The following PTPRG variants were observed in gnomAD, a reference collection of about 807,000 sequenced individuals.
The protein encoded by PTPRG is receptor-type tyrosine-protein phosphatase gamma.
Under a neutral mutation model 165.3 loss-of-function variants are expected in PTPRG, and 102 were observed. That is an observed-to-expected ratio of 0.62 (90% CI 0.53 to 0.73). PTPRG has a LOEUF of 0.73. PTPRG is among the 30% of genes least tolerant of loss of function. The probability of loss-of-function intolerance (pLI) is 0.00; values close to 1 mark genes in which losing one functional copy is unlikely to be tolerated. For synonymous variants in PTPRG, 675 were observed against 669.5 expected, an observed-to-expected ratio of 1.01 and a Z score of -0.13; for missense variants, 1,866 against 1,861.4, an observed-to-expected ratio of 1.00 and a Z score of -0.05.
chr3:61,631,285 C>A (rs1701768843), intron 1 of PTPRG, among the ~76,000 whole-genome samples: 1 of 152,130 alleles, frequency 6.6e-6, no homozygotes, highest in Admixed American at 6.5e-5. Context: ...GTACAGTAGT[C>A]CACCCTTATC....
intron 14 of PTPRG, among the ~76,000 whole-genome samples, chr3:62,232,776 CA>C (rs1400939739): frequency 6.6e-6 from 1 of 152,242 alleles, no homozygotes; most frequent in Non-Finnish European, 1.5e-5. Flanking sequence ...CAATCAGTTT[CA>C]TCTAGGTCTA....
At chr3:62,080,750 A>T (rs1047887645) in intron 5 of PTPRG, among the ~76,000 whole-genome samples, 2 of 152,220 alleles carry the variant, frequency 1.3e-5, no homozygotes, top group African/African-American at 4.8e-5. Context: ...ATATAAGACC[A>T]ATTAGAATTT....
intron 12 of PTPRG, among the ~76,000 whole-genome samples, chr3:62,206,468 G>A (rs571249180): frequency 7.9e-5 from 12 of 152,236 alleles, no homozygotes; most frequent in Admixed American, 5.2e-4. Flanking sequence ...GCTTAATGCC[G>A]AAGGTGGTGT....
At chr3:61,933,598 A>G (rs1386749318) in intron 2 of PTPRG, among the ~76,000 whole-genome samples, 1 of 152,222 alleles carries the variant, frequency 6.6e-6, no homozygotes, top group African/African-American at 2.4e-5. Context: ...TCACTCCTCC[A>G]TGCTTTACTT....
chr3:62,141,752 T>TACAAAAATTAG (rs1703938338), intron 6 of PTPRG, among the ~76,000 whole-genome samples: 1 of 144,766 alleles, frequency 6.9e-6, no homozygotes, highest in Non-Finnish European at 1.5e-5. Flanking sequence ...AAAAAAAAAA[T>TACAAAAATTAG]ACAAAAATTA....
At chr3:62,244,657 G>A (rs1035264002) in intron 15 of PTPRG, among the ~76,000 whole-genome samples, 1 of 152,110 alleles carries the variant, frequency 6.6e-6, no homozygotes, top group African/African-American at 2.4e-5. Flanking sequence ...CTCCACACCT[G>A]AAGCTCCCCC....
At chr3:61,958,484 G>T (rs2040082811) in intron 2 of PTPRG, among the ~76,000 whole-genome samples, 1 of 152,144 alleles carries the variant, frequency 6.6e-6, no homozygotes, top group Admixed American at 6.5e-5. Context: ...AATGCTGCCT[G>T]TAATTTGAAG....
At chr3:61,933,750 A>G (rs934449728) in intron 2 of PTPRG, among the ~76,000 whole-genome samples, 2 of 152,198 alleles carry the variant, frequency 1.3e-5, no homozygotes, top group Non-Finnish European at 1.5e-5. Context: ...TAGATACTGT[A>G]TCTCACCAGT....
At chr3:61,804,164 C>T (rs940684744) in intron 2 of PTPRG, among the ~76,000 whole-genome samples, 2 of 152,168 alleles carry the variant, frequency 1.3e-5, no homozygotes, top group African/African-American at 4.8e-5. Flanking sequence ...GCATATTTCA[C>T]ACAAAAGCAG....
At position 62,140,488 on chromosome 3, in the gene PTPRG, A is replaced by G. The variant is rs963192842; in HGVS notation, c.682+7820A>G. On this transcript the variant is annotated intron_variant, in intron 6 of 29. Coordinates refer to ENST00000474889, the MANE Select transcript of PTPRG (RefSeq NM_002841.4). ...AAAACAGTGGGTAATGCATGATTCCATTTATGTAAAGTGTGAGAACAGGTC... is the reference window on the plus strand; with the variant it reads ...AAAACAGTGGGTAATGCATGATTCCGTTTATGTAAAGTGTGAGAACAGGTC... 6.6e-5 allele frequency among the ~76,000 whole-genome samples: 10 copies of G among 152,184 alleles called. 1 individual carries two copies. Among genetic ancestry groups the G allele is most frequent in the South Asian group, 2.1e-4 (1 of 4,824 alleles).
intron 1 of PTPRG, among the ~76,000 whole-genome samples, chr3:61,577,523 T>C (rs1408651464): frequency 6.6e-6 from 1 of 152,206 alleles, no homozygotes; most frequent in Non-Finnish European, 1.5e-5. Context: ...ATGTGAAATA[T>C]CTCATTAAAA....
chr3:61,866,326 G>A (rs1301665517), intron 2 of PTPRG, among the ~76,000 whole-genome samples: 4 of 152,142 alleles, frequency 2.6e-5, no homozygotes, highest in Non-Finnish European at 5.9e-5. Flanking sequence ...CTGTTTGCAC[G>A]TGACCATGAT....
chr3:61,618,072 T>C (rs1701346667), intron 1 of PTPRG, among the ~76,000 whole-genome samples: 1 of 152,178 alleles, frequency 6.6e-6, no homozygotes, highest in Admixed American at 6.5e-5. Context: ...TTTAGTGTGG[T>C]GGAAGAACTA....
intron 2 of PTPRG, among the ~76,000 whole-genome samples, chr3:61,969,393 G>T (rs528186460): frequency 1.3e-5 from 2 of 152,138 alleles, no homozygotes; most frequent in South Asian, 4.1e-4. Flanking sequence ...ATTTGTGAAT[G>T]AATTAATTTT....
At chr3:61,888,678 A>C (rs1458754736) in intron 2 of PTPRG, among the ~76,000 whole-genome samples, 1 of 152,186 alleles carries the variant, frequency 6.6e-6, no homozygotes, top group Non-Finnish European at 1.5e-5. Flanking sequence ...ATCTGAATTG[A>C]GGAGTTCAGT....
chr3:61,934,703 A>G (rs1037097037), intron 2 of PTPRG, among the ~76,000 whole-genome samples: 3 of 151,938 alleles, frequency 2.0e-5, no homozygotes, highest in African/African-American at 4.8e-5. Context: ...CTCTTGTCCT[A>G]TTGGTCAGAA....
chr3:61,961,118 A>C (rs2040143678), intron 2 of PTPRG, among the ~76,000 whole-genome samples: 1 of 152,158 alleles, frequency 6.6e-6, no homozygotes, highest in South Asian at 2.1e-4. Flanking sequence ...TCCCATTATC[A>C]TCATTATCTC....
rs575257552 is a variant in PTPRG at position 62,155,636 on chromosome 3, T to C, written c.683-1431T>C. Reference sequence around the variant, plus strand: ...TGGCATATAGGCGAAGCTAAATCAATGTTAAGTCTTCTTCAACTAATCTTT... The same window carrying C: ...TGGCATATAGGCGAAGCTAAATCAACGTTAAGTCTTCTTCAACTAATCTTT... On this transcript the variant is annotated intron_variant, in intron 6 of 29. Transcript: ENST00000474889. 7.2e-5 allele frequency among the ~76,000 whole-genome samples: 11 copies of C among 152,346 alleles called. No individual in the cohort carries two copies. The South Asian group carries it at 1.9e-3, about 26-fold the overall frequency.
intron 17 of PTPRG, among the ~76,000 whole-genome samples, chr3:62,266,924 G>A (rs1218291653): frequency 6.6e-6 from 1 of 151,102 alleles, no homozygotes; most frequent in Non-Finnish European, 1.5e-5. Context: ...CCTGTAATGA[G>A]ATTACTCTTA....
Sources: allele counts gnomAD v4.1 joint callset (sites outside exome capture counted in the v4.1 genomes callset), GRCh38; gene constraint gnomAD v4.1.1; transcripts MANE v1.5; gene names NCBI Gene and HGNC (gene_info 2026-07-23, HGNC 2026-07-21).